The following CFAP206 variants were observed in gnomAD, a reference collection of about 807,000 sequenced individuals.
CFAP206 encodes the protein cilia- and flagella-associated protein 206.
CFAP206 carries 53 observed loss-of-function variants against 65.4 expected under a neutral mutation model. That is an observed-to-expected ratio of 0.81 (90% CI 0.65 to 1.02). CFAP206 has a LOEUF of 1.02. Ranked by LOEUF, CFAP206 falls within the 50% of genes least tolerant of loss-of-function variation. The pLI is 0.00. For missense variants in CFAP206, 663 were observed against 753.2 expected, an observed-to-expected ratio of 0.88 and a Z score of 1.40; for synonymous variants, 250 against 254.4, an observed-to-expected ratio of 0.98 and a Z score of 0.17.
intron 11 of CFAP206, among the ~76,000 whole-genome samples, chr6:87,460,244 G>A (rs1475991467): frequency 6.6e-6 from 1 of 152,106 alleles, no homozygotes; most frequent in East Asian, 1.9e-4. Context: ...TGGAATTAGT[G>A]AATTCTTAAT....
intron 12 of CFAP206, among the ~76,000 whole-genome samples, chr6:87,461,777 A>T (rs1314146850): frequency 7.9e-5 from 12 of 152,148 alleles, no homozygotes; most frequent in Non-Finnish European, 1.8e-4. Flanking sequence ...AACTGAAATC[A>T]GGTGTGGAAA....
chr6:87,424,978 G>A (rs981979591), intron 7 of CFAP206, among the ~76,000 whole-genome samples: 2 of 152,148 alleles, frequency 1.3e-5, no homozygotes, highest in African/African-American at 2.4e-5. Flanking sequence ...CAGTGAACAA[G>A]TACTTAGAAA....
intron 12 of CFAP206, among the ~76,000 whole-genome samples, chr6:87,463,167 A>C (rs1477986570): frequency 1.3e-5 from 2 of 152,240 alleles, no homozygotes; most frequent in African/African-American, 4.8e-5. Context: ...TTTGATGCTT[A>C]CTACTGAAGA....
intron 11 of CFAP206, among the ~76,000 whole-genome samples, chr6:87,453,757 T>C: frequency 1.3e-5 from 2 of 151,858 alleles, no homozygotes; most frequent in Middle Eastern, 3.4e-3. Flanking sequence ...AAATATAAAG[T>C]AAGAAATTGA....
chr6:87,410,731 T>G, intron 3 of CFAP206, 63 bp downstream of exon 3: 1 of 1,214,982 alleles, frequency 8.2e-7, no homozygotes, highest in Non-Finnish European at 1.2e-6. Context: ...ACAATATTTG[T>G]ATTAGTCATT....
rs535072755 is a variant in CFAP206, at chr6:87,453,577, C to T, written c.1495-7445C>T. 2.5e-3 allele frequency among the ~76,000 whole-genome samples: 373 copies of T among 152,116 alleles called. 2 individuals are homozygous for T. Among genetic ancestry groups the T allele is most frequent in the African/African-American group, 8.6e-3 (358 of 41,530 alleles). ...ATAGAAACAACAAAAAGTTAAGAAGCGGCAGTGGCTGGCTGGGGGATGAAA... is the reference window on the plus strand; with the variant it reads ...ATAGAAACAACAAAAAGTTAAGAAGTGGCAGTGGCTGGCTGGGGGATGAAA... On this transcript the variant is annotated intron_variant, in intron 11 of 12. Transcript: ENST00000369562.
intron 11 of CFAP206, among the ~76,000 whole-genome samples, chr6:87,459,943 T>C (rs1157702697): frequency 6.6e-6 from 1 of 152,250 alleles, no homozygotes; most frequent in African/African-American, 2.4e-5. Flanking sequence ...AAATGAGTTT[T>C]ATCTCTGTCT....
chr6:87,448,462 T>C (rs1218000168), intron 11 of CFAP206, among the ~76,000 whole-genome samples: 2 of 152,204 alleles, frequency 1.3e-5, no homozygotes, highest in African/African-American at 2.4e-5. Context: ...ATCAGGGTAA[T>C]TGGCATATCC....
At chr6:87,445,448 C>T (rs1768427056) in intron 11 of CFAP206, among the ~76,000 whole-genome samples, 1 of 152,098 alleles carries the variant, frequency 6.6e-6, no homozygotes, top group Non-Finnish European at 1.5e-5. Context: ...TAAGTGAGAA[C>T]ACGTGGTGTT....
intron 11 of CFAP206, among the ~76,000 whole-genome samples, chr6:87,456,411 G>A (rs188477619): frequency 5.4e-4 from 82 of 152,256 alleles, no homozygotes; most frequent in Middle Eastern, 3.4e-3. Flanking sequence ...CCCAGAGGTA[G>A]TATCATACCG....
chr6:87,423,217 C>A (rs1475174830), intron 7 of CFAP206, among the ~76,000 whole-genome samples: 2 of 150,944 alleles, frequency 1.3e-5, no homozygotes, highest in South Asian at 4.2e-4. Context: ...CTGCGCCCAG[C>A]CTTAGAATAT....
chr6:87,461,254 A>G, intron 12 of CFAP206, 89 bp downstream of exon 12: 1 of 871,042 alleles, frequency 1.1e-6, no homozygotes, highest in Non-Finnish European at 1.6e-6. Flanking sequence ...AATTATTTAT[A>G]TAAAATAATG....
chr6:87,423,371 C>A (rs1036023872), intron 7 of CFAP206, among the ~76,000 whole-genome samples: 3 of 151,474 alleles, frequency 2.0e-5, no homozygotes, highest in African/African-American at 7.3e-5. Context: ...GCCTCAGCCT[C>A]TCGAGTAGCT....
chr6:87,451,697 TATAATAA>T (rs1470961773), intron 11 of CFAP206, among the ~76,000 whole-genome samples: 1 of 151,814 alleles, frequency 6.6e-6, no homozygotes, highest in African/African-American at 2.4e-5. Context: ...TCAGTCACAG[TATAATAA>T]AGCACAAATC....
chr6:87,444,623 C>A, intron 11 of CFAP206: 2 of 303,000 alleles, frequency 6.6e-6, no homozygotes, highest in South Asian at 3.3e-5. Flanking sequence ...CAGGCCTTCC[C>A]ACAGGAAAGC....
At position 87,448,558 on chromosome 6, in the gene CFAP206, T is replaced by C. The variant is rs558211446; in HGVS notation, c.1495-12464T>C. Among the ~76,000 whole-genome samples the C allele has an allele frequency of 3.3e-5, 5 of 152,272 alleles. 1 individual carries two copies. In the South Asian group the frequency reaches 1.0e-3, roughly 32 times the overall value. On this transcript the variant is annotated intron_variant, in intron 11 of 12. Coordinates refer to ENST00000369562, the MANE Select transcript of CFAP206 (RefSeq NM_001031743.3). ...TATTTTGAAATATAAAATAAATTTT[T>C]GTTAACTATAGTTGCCCTACTGTGC...
intron 11 of CFAP206, chr6:87,445,083 G>A (rs1380723948): frequency 6.1e-6 from 3 of 493,658 alleles, no homozygotes; most frequent in African/African-American, 2.0e-5. Flanking sequence ...GGCTTTCTAC[G>A]GTTCACCATC....
At chr6:87,414,023 A>G (rs1767783365) in intron 4 of CFAP206, 123 bp downstream of exon 4, 1 of 469,188 alleles carries the variant, frequency 2.1e-6, no homozygotes, top group African/African-American at 2.4e-5. Flanking sequence ...ATTTTTGGCA[A>G]TCAACTTTGA....
At chr6:87,416,388 A>C (rs186916789) in intron 5 of CFAP206, among the ~76,000 whole-genome samples, 68 of 152,260 alleles carry the variant, frequency 4.5e-4, no homozygotes, top group Non-Finnish European at 8.4e-4. Flanking sequence ...TTTGGCTCAG[A>C]TCCCTAATTA....
Sources: gnomAD v4.1 joint callset for allele counts (sites outside exome capture counted in the v4.1 genomes callset) on GRCh38, gnomAD v4.1.1 for gene constraint, MANE v1.5 for transcripts, NCBI Gene and HGNC (gene_info 2026-07-23, HGNC 2026-07-21) for gene names.